Variants in TNIK observed in about 807,000 individuals in gnomAD.
TNIK encodes the protein TRAF2 and NCK-interacting protein kinase.
In TNIK, 49 loss-of-function variants were observed where a neutral mutation model predicts 191.3. The observed-to-expected ratio is 0.26, with a 90% CI of 0.20 to 0.32. TNIK has a LOEUF of 0.32. Ranked by LOEUF, TNIK falls within the 10% of genes least tolerant of loss-of-function variation. The pLI is 1.00. For missense variants in TNIK, 1,155 were observed against 1,702.3 expected, an observed-to-expected ratio of 0.68 and a Z score of 5.66; for synonymous variants, 594 against 600.9, an observed-to-expected ratio of 0.99 and a Z score of 0.17.
chr3:171,265,425 G>A (rs2109154334), intron 2 of TNIK, among the ~76,000 whole-genome samples: 1 of 152,308 alleles, frequency 6.6e-6, no homozygotes, highest in South Asian at 2.1e-4. Flanking sequence ...GGCTAGAAGA[G>A]CCTTCTCAGT....
At chr3:171,307,384 C>T (rs1753568401) in intron 2 of TNIK, among the ~76,000 whole-genome samples, 1 of 152,150 alleles carries the variant, frequency 6.6e-6, no homozygotes, top group South Asian at 2.1e-4. Context: ...AGAAACTGCA[C>T]ACACATTCCA....
At chr3:171,153,050 G>T (rs568605351) in intron 12 of TNIK, among the ~76,000 whole-genome samples, 6 of 152,122 alleles carry the variant, frequency 3.9e-5, no homozygotes, top group Non-Finnish European at 8.8e-5. Context: ...GGATTACAGT[G>T]GGCGTGAGCC....
intron 1 of TNIK, among the ~76,000 whole-genome samples, chr3:171,456,021 A>G (rs764414557): frequency 2.8e-4 from 42 of 152,220 alleles, no homozygotes; most frequent in Non-Finnish European, 5.0e-4. Context: ...CAATTCTTAA[A>G]TCTGGGTTTC....
At chr3:171,301,344 C>T (rs575922355) in intron 2 of TNIK, among the ~76,000 whole-genome samples, 32 of 144,062 alleles carry the variant, frequency 2.2e-4, no homozygotes, top group Non-Finnish European at 3.6e-4. Context: ...GATGGAGTCT[C>T]AGCTCTGTCA....
chr3:171,300,701 G>T (rs748644320), intron 2 of TNIK, among the ~76,000 whole-genome samples: 2 of 152,106 alleles, frequency 1.3e-5, no homozygotes, highest in Non-Finnish European at 2.9e-5. Flanking sequence ...TCATTAAAAA[G>T]AAATCGTCAA....
chr3:171,451,521 C>G (rs1466214283), intron 1 of TNIK, among the ~76,000 whole-genome samples: 1 of 152,228 alleles, frequency 6.6e-6, no homozygotes, highest in Non-Finnish European at 1.5e-5. Context: ...GTTTAGGCCA[C>G]TAAGCTTGAG....
chr3:171,317,380 G>A (rs1405992380), intron 2 of TNIK, among the ~76,000 whole-genome samples: 4 of 152,156 alleles, frequency 2.6e-5, no homozygotes. Context: ...GGATGTGGGA[G>A]AGACACTCCA....
At chr3:171,229,551 T>C (rs1743359155) in intron 2 of TNIK, among the ~76,000 whole-genome samples, 1 of 152,220 alleles carries the variant, frequency 6.6e-6, no homozygotes, top group South Asian at 2.1e-4. Flanking sequence ...TGGGTCAATT[T>C]TGTAATTGAG....
rs749686909 is a variant in TNIK, at chr3:171,091,954, CTTTT to C, written c.2721+1881_2721+1884del. On this transcript the variant is annotated intron_variant, in intron 23 of 32. Transcript: ENST00000436636. ...TGCTATTTTCTTTCTTTCTTTCTTT[CTTTT>C]TTTTTTTTTAAGACAGAGTCTCGTT... 4.0e-3 allele frequency among the ~76,000 whole-genome samples: 581 copies of C among 144,338 alleles called. 7 individuals carry two copies. In the South Asian group the frequency reaches 0.041, roughly 10 times the overall value. The allele number at this position is 144,338 out of a possible 152,430, so 94.7% of individuals were successfully genotyped here.
chr3:171,408,685 T>C (rs1345002207), intron 1 of TNIK, among the ~76,000 whole-genome samples: 2 of 152,136 alleles, frequency 1.3e-5, no homozygotes, highest in Non-Finnish European at 2.9e-5. Flanking sequence ...TTAAATGAAG[T>C]GCCATGCTAA....
intron 2 of TNIK, among the ~76,000 whole-genome samples, chr3:171,351,275 G>T (rs1169475478): frequency 1.6e-5 from 2 of 125,424 alleles, no homozygotes; most frequent in Non-Finnish European, 3.5e-5. Flanking sequence ...GTATATATGT[G>T]TGTGTGTGTG....
At chr3:171,440,620 G>C (rs933120087) in intron 1 of TNIK, among the ~76,000 whole-genome samples, 3 of 152,214 alleles carry the variant, frequency 2.0e-5, no homozygotes, top group African/African-American at 7.2e-5. Flanking sequence ...AGCCTATGCT[G>C]TAAGTCACGA....
At chr3:171,436,512 C>T (rs886723902) in intron 1 of TNIK, among the ~76,000 whole-genome samples, 3 of 151,862 alleles carry the variant, frequency 2.0e-5, no homozygotes, top group Non-Finnish European at 4.4e-5. Context: ...AGGGATTTTA[C>T]ATAACTTGTC....
chr3:171,389,751 C>G (rs932351296), intron 1 of TNIK, among the ~76,000 whole-genome samples: 6 of 152,150 alleles, frequency 3.9e-5, no homozygotes, highest in African/African-American at 1.4e-4. Context: ...CTCCTACCAG[C>G]ATGTACTTAG....
At chr3:171,291,340 C>G (rs1203197908) in intron 2 of TNIK, among the ~76,000 whole-genome samples, 1 of 152,300 alleles carries the variant, frequency 6.6e-6, no homozygotes, top group East Asian at 1.9e-4. Flanking sequence ...TTCTACATTA[C>G]TCCTTGAAAT....
At chr3:171,348,568 A>G (rs1187402846) in intron 2 of TNIK, among the ~76,000 whole-genome samples, 2 of 152,178 alleles carry the variant, frequency 1.3e-5, no homozygotes, top group African/African-American at 4.8e-5. Flanking sequence ...GAAGATAAAA[A>G]CTAATTCTTA....
intron 7 of TNIK, among the ~76,000 whole-genome samples, chr3:171,186,123 C>T (rs752804002): frequency 5.9e-5 from 9 of 152,204 alleles, no homozygotes; most frequent in Non-Finnish European, 1.3e-4. Context: ...AATGGATAGT[C>T]TATAAATATG....
chr3:171,081,053 C>G (rs561016768), intron 27 of TNIK, among the ~76,000 whole-genome samples: 1 of 152,300 alleles, frequency 6.6e-6, no homozygotes, highest in East Asian at 1.9e-4. Context: ...ATAATGAAGT[C>G]TGAATGTGAA....
intron 2 of TNIK, among the ~76,000 whole-genome samples, chr3:171,348,497 A>G (rs891516903): frequency 2.0e-5 from 3 of 152,206 alleles, no homozygotes; most frequent in African/African-American, 7.2e-5. Context: ...CAGACAGCAC[A>G]GGACCTAGAG....
Sources: allele counts gnomAD v4.1 joint callset (sites outside exome capture counted in the v4.1 genomes callset), GRCh38; gene constraint gnomAD v4.1.1; transcripts MANE v1.5; gene names NCBI Gene and HGNC (gene_info 2026-07-23, HGNC 2026-07-21).